HABP2: variants seen among roughly 807,000 people sequenced by gnomAD.
The protein encoded by HABP2 is hyaluronan binding protein 2.
HABP2 carries 65 observed loss-of-function variants against 66.5 expected under a neutral mutation model. That is an observed-to-expected ratio of 0.98 (90% CI 0.80 to 1.20). The LOEUF is 1.20. Ranked by LOEUF, HABP2 falls within the 50% of genes most tolerant of loss-of-function variation. The pLI is 0.00. For missense variants in HABP2, 786 were observed against 691.0 expected (o/e 1.14, Z -1.54); for synonymous variants, 263 against 253.9 (o/e 1.04, Z -0.34).
intron 1 of HABP2, among the ~76,000 whole-genome samples, chr10:113,556,804 C>CTTTTTTTTTTTTT (rs66685949): frequency 9.5e-6 from 1 of 105,134 alleles, no homozygotes; most frequent in Non-Finnish European, 1.8e-5. Flanking sequence ...TTCTTTTATT[C>CTTTTTTTTTTTTT]TTTTTTTTTT....
intron 9 of HABP2, among the ~76,000 whole-genome samples, 199 bp downstream of exon 9, chr10:113,582,330 T>C (rs1464833050): frequency 6.6e-6 from 1 of 152,242 alleles, no homozygotes; most frequent in East Asian, 1.9e-4. Context: ...GCATTTATTA[T>C]ATGACATTTA....
At chr10:113,573,367 A>G (rs1845348495) in intron 2 of HABP2, among the ~76,000 whole-genome samples, 1 of 152,186 alleles carries the variant, frequency 6.6e-6, no homozygotes, top group Non-Finnish European at 1.5e-5. Context: ...ATGAACTTTT[A>G]TAAGGTTATC....
chr10:113,573,641 C>T (rs1592692837), intron 2 of HABP2, among the ~76,000 whole-genome samples: 1 of 152,194 alleles, frequency 6.6e-6, no homozygotes, highest in Non-Finnish European at 1.5e-5. Context: ...GAACAATACA[C>T]CTCCTAGATT....
intron 1 of HABP2, 134 bp from the exon 2 acceptor site, chr10:113,567,355 C>T: frequency 1.4e-6 from 1 of 716,508 alleles, no homozygotes; most frequent in Non-Finnish European, 2.5e-6. Context: ...CCTTCAACCT[C>T]TAGCCCAGCC....
At chr10:113,572,661 T>G (rs934983226) in intron 2 of HABP2, 11 of 454,064 alleles carry the variant, frequency 2.4e-5, no homozygotes, top group African/African-American at 2.2e-4. Flanking sequence ...TCACGCTAGA[T>G]GGAGGAAAAC....
chr10:113,584,210 G>A lies in HABP2; in HGVS notation c.1300G>A (p.Val434Met). ...TCTAGAATCCAAATACGTGAAGACTGTGTGCTTGCCTGATGGGTCCTTTCC... is the reference window on the plus strand; with the variant it reads ...TCTAGAATCCAAATACGTGAAGACTATGTGCTTGCCTGATGGGTCCTTTCC... ...CALESKYVKTVCLPDGSFPSG... is the reference protein window; with the variant it reads ...CALESKYVKTMCLPDGSFPSG... The change falls in exon 11 of 13, where the codon GTG (valine) becomes ATG (methionine). Residue 434 changes from valine to methionine, a missense_variant. Val to Met is a conservative substitution (Grantham distance 21). Coordinates refer to ENST00000351270, the MANE Select transcript of HABP2 (RefSeq NM_004132.5). The A allele has an allele frequency of 1.2e-6, 2 of 1,613,604 alleles. No individual in the cohort carries two copies. Among genetic ancestry groups the A allele is most frequent in the Non-Finnish European group, 1.7e-6 (2 of 1,179,454 alleles).
intron 3 of HABP2, among the ~76,000 whole-genome samples, chr10:113,575,047 G>A (rs1228046304): frequency 6.8e-5 from 9 of 131,570 alleles, no homozygotes; most frequent in Admixed American, 5.5e-4. Flanking sequence ...GAAGAAGCTG[G>A]GTCCAAGCAA....
At chr10:113,556,800 T>A (rs2133739965) in intron 1 of HABP2, among the ~76,000 whole-genome samples, 1 of 132,702 alleles carries the variant, frequency 7.5e-6, no homozygotes, top group African/African-American at 2.9e-5. Context: ...TTGATTCTTT[T>A]ATTCTTTTTT....
Position 113,585,551 on chromosome 10 carries a change from AC to A in HABP2, c.1373-240del, listed in dbSNP as rs771047943. Among the ~76,000 whole-genome samples, 23 of 152,272 alleles carry A rather than the reference AC, an allele frequency of 1.5e-4. 1 individual carries two copies. The highest frequency in any genetic ancestry group is 2.8e-4 in the Non-Finnish European group (19 of 68,018). On this transcript the variant is annotated intron_variant, in intron 11 of 12. Transcript: ENST00000351270. ...TATTTCCTCCTGAACCTCATGGCCT[AC>A]CTGGGGAAAGAGAGGAGGGAATATA... is the stretch of plus-strand genomic sequence containing the variant.
chr10:113,562,658 T>A (rs1444158345), intron 1 of HABP2, among the ~76,000 whole-genome samples: 1 of 152,218 alleles, frequency 6.6e-6, no homozygotes, highest in Non-Finnish European at 1.5e-5. Context: ...TTGGCCAAGC[T>A]GGTCTCCAAC....
At chr10:113,572,429 G>A (rs553308829) in intron 2 of HABP2, among the ~76,000 whole-genome samples, 2 of 152,332 alleles carry the variant, frequency 1.3e-5, no homozygotes, top group South Asian at 4.1e-4. Flanking sequence ...CAACCTGTGG[G>A]AGAGATGGGA....
intron 1 of HABP2, among the ~76,000 whole-genome samples, chr10:113,556,886 C>T (rs546064784): frequency 2.1e-5 from 3 of 141,042 alleles, no homozygotes; most frequent in African/African-American, 8.1e-5. Flanking sequence ...CTTAAGTGAT[C>T]CTCTAGCCTT....
At chr10:113,582,732 T>G (rs961319760) in intron 9 of HABP2, among the ~76,000 whole-genome samples, 5 of 152,184 alleles carry the variant, frequency 3.3e-5, no homozygotes, top group African/African-American at 7.2e-5. Context: ...GCAAGTAACT[T>G]CTGGGGAGCT....
At chr10:113,575,831 A>T (rs778029349) in intron 3 of HABP2, 66 bp from the exon 4 acceptor site, 34 of 864,588 alleles carry the variant, frequency 3.9e-5, no homozygotes, top group Non-Finnish European at 6.5e-5. Flanking sequence ...TTGATGAAAA[A>T]TTTGGAGGGG....
At chr10:113,572,125 C>T (rs764454629) in intron 2 of HABP2, among the ~76,000 whole-genome samples, 39 of 152,220 alleles carry the variant, frequency 2.6e-4, no homozygotes, top group Non-Finnish European at 4.8e-4. Context: ...GAGCTCTGCT[C>T]GTTCTATCCA....
intron 1 of HABP2, among the ~76,000 whole-genome samples, chr10:113,558,881 G>A (rs922502860): frequency 1.9e-4 from 29 of 151,962 alleles, no homozygotes; most frequent in African/African-American, 6.0e-4. Context: ...CTTAGACGGA[G>A]TCTCGCTCTG....
chr10:113,578,669 G>A lies in HABP2; in HGVS notation c.611G>A (p.Gly204Glu). ...CYVGDGYSYRGKMNRTVNQHA... is the reference protein window; with the variant it reads ...CYVGDGYSYREKMNRTVNQHA... ...GTTGGCGATGGCTACTCTTACCGAGGGAAAATGAATAGGACAGTCAACCAG... is the reference window on the plus strand; with the variant it reads ...GTTGGCGATGGCTACTCTTACCGAGAGAAAATGAATAGGACAGTCAACCAG... Residue 204 changes from glycine to glutamate, a missense_variant, in exon 7 of 13, where the codon GGG becomes GAG. Transcript: ENST00000351270. 1.2e-6 allele frequency: 2 copies of A among 1,612,838 alleles called. No homozygotes were observed. The highest frequency in any genetic ancestry group is 1.7e-6 in the Non-Finnish European group (2 of 1,179,044).
chr10:113,581,092 G>A (rs1429536804), intron 8 of HABP2, among the ~76,000 whole-genome samples: 1 of 152,148 alleles, frequency 6.6e-6, no homozygotes, highest in African/African-American at 2.4e-5. Flanking sequence ...CTGGCCATCT[G>A]TCCTGGCCCC....
intron 8 of HABP2, among the ~76,000 whole-genome samples, chr10:113,581,313 A>C (rs567999122): frequency 6.6e-6 from 1 of 152,346 alleles, no homozygotes; most frequent in African/African-American, 2.4e-5. Context: ...TTCTCAAGTA[A>C]AATGTTATCT....
Sources: gnomAD v4.1 joint callset for allele counts (sites outside exome capture counted in the v4.1 genomes callset) on GRCh38, gnomAD v4.1.1 for gene constraint, MANE v1.5 for transcripts, NCBI Gene and HGNC (gene_info 2026-07-23, HGNC 2026-07-21) for gene names.